RIMS2: variants seen among roughly 807,000 people sequenced by gnomAD.
RIMS2 encodes regulating synaptic membrane exocytosis protein 2.
A neutral mutation model predicts 174.4 loss-of-function variants in RIMS2; 59 were observed. The observed-to-expected ratio is 0.34, with a 90% confidence interval of 0.27 to 0.42. The LOEUF (loss-of-function observed/expected upper bound fraction) is 0.42, where lower values mean the gene tolerates loss of function less well. Among genes scored for constraint, RIMS2 ranks in the 10% least tolerant of loss-of-function variants. The pLI, the probability that RIMS2 is intolerant of heterozygous loss-of-function variation, is 1.00. For missense variants in RIMS2, 1,620 were observed against 1,666.3 expected (o/e 0.97, Z 0.48); for synonymous variants, 606 against 572.5 (o/e 1.06, Z -0.84).
chr8:103,939,000 T>C (rs538216910), intron 13 of RIMS2, among the ~76,000 whole-genome samples: 13 of 152,278 alleles, frequency 8.5e-5, no homozygotes, highest in African/African-American at 3.1e-4. Context: ...CTGGCTGCTT[T>C]CATGGGCTGG....
At chr8:103,505,570 T>A (rs1024898912) in intron 1 of RIMS2, among the ~76,000 whole-genome samples, 1 of 152,214 alleles carries the variant, frequency 6.6e-6, no homozygotes, top group African/African-American at 2.4e-5. Flanking sequence ...GTGATAAATA[T>A]CTTCGTACAT....
At chr8:103,518,057 CA>C (rs2130193434) in intron 1 of RIMS2, among the ~76,000 whole-genome samples, 2 of 152,066 alleles carry the variant, frequency 1.3e-5, no homozygotes, top group South Asian at 4.2e-4. Flanking sequence ...GACATGCAGG[CA>C]GCCTGCCCAG....
At chr8:103,741,673 T>C (rs2097763066) in intron 2 of RIMS2, among the ~76,000 whole-genome samples, 1 of 152,116 alleles carries the variant, frequency 6.6e-6, no homozygotes, top group Non-Finnish European at 1.5e-5. Context: ...CTAAAAAGGA[T>C]TTGGAAAATG....
intron 3 of RIMS2, among the ~76,000 whole-genome samples, chr8:103,815,349 C>A (rs927372893): frequency 6.6e-6 from 1 of 152,042 alleles, no homozygotes; most frequent in East Asian, 1.9e-4. Flanking sequence ...CTTTTGATTA[C>A]TTTTAGATTG....
chr8:103,844,282 T>C (rs2098956457), intron 3 of RIMS2, among the ~76,000 whole-genome samples: 2 of 152,220 alleles, frequency 1.3e-5, no homozygotes, highest in Admixed American at 6.5e-5. Flanking sequence ...TTTTATAAGG[T>C]AATATCTATG....
At chr8:103,699,522 G>A (rs767206404) in intron 2 of RIMS2, among the ~76,000 whole-genome samples, 2 of 152,124 alleles carry the variant, frequency 1.3e-5, no homozygotes, top group African/African-American at 2.4e-5. Flanking sequence ...GAGCCACCAC[G>A]TCTGGCCCAG....
intron 1 of RIMS2, among the ~76,000 whole-genome samples, chr8:103,663,934 T>A (rs2096635323): frequency 6.6e-6 from 1 of 152,192 alleles, no homozygotes; most frequent in South Asian, 2.1e-4. Flanking sequence ...ACCAAAACAG[T>A]TATGTAGACC....
chr8:103,878,834 G>A (rs879888241), intron 3 of RIMS2, among the ~76,000 whole-genome samples: 16 of 151,348 alleles, frequency 1.1e-4, no homozygotes, highest in Non-Finnish European at 2.1e-4. Context: ...TTTTAAATAC[G>A]AGTTGAAAAT....
At position 103,642,778 on chromosome 8, in the gene RIMS2, G is replaced by A. The variant is rs539929190; in HGVS notation, c.177-54308G>A. On this transcript the variant is annotated intron_variant, in intron 1 of 23. Coordinates refer to ENST00000504942, the Ensembl canonical transcript of RIMS2. ...TTCTTTTTTTTATGAACAGAAGTCT[G>A]ATGTAATTCTTATACTGTTTCTCTG... Among the ~76,000 whole-genome samples, 30 of 151,942 alleles carry A rather than the reference G, an allele frequency of 2.0e-4. No individual in the cohort carries two copies. The South Asian group carries it at 5.8e-3, about 29-fold the overall frequency.
chr8:104,141,909 A>G (rs1336294712), intron 19 of RIMS2, among the ~76,000 whole-genome samples: 1 of 151,768 alleles, frequency 6.6e-6, no homozygotes, highest in African/African-American at 2.4e-5. Context: ...ATTCCATCTT[A>G]TTTTCTTCAG....
At chr8:103,646,615 A>C (rs2096339089) in intron 1 of RIMS2, among the ~76,000 whole-genome samples, 3 of 152,068 alleles carry the variant, frequency 2.0e-5, no homozygotes, top group African/African-American at 7.2e-5. Context: ...TGTTCTCATC[A>C]TTCAGCTCCA....
chr8:103,622,285 A>G (rs1458999639), intron 1 of RIMS2, among the ~76,000 whole-genome samples: 1 of 152,098 alleles, frequency 6.6e-6, no homozygotes, highest in Non-Finnish European at 1.5e-5. Context: ...ATATTCTGAA[A>G]TTTTTCAGCA....
chr8:103,839,397 A>G (rs928197565), intron 3 of RIMS2, among the ~76,000 whole-genome samples: 2 of 152,124 alleles, frequency 1.3e-5, no homozygotes, highest in African/African-American at 4.8e-5. Context: ...AAGGAGGATC[A>G]CCTTGATCTT....
intron 1 of RIMS2, among the ~76,000 whole-genome samples, chr8:103,627,313 T>G (rs941022298): frequency 6.6e-6 from 1 of 152,238 alleles, no homozygotes; most frequent in Non-Finnish European, 1.5e-5. Flanking sequence ...TCTTCCCTTG[T>G]TCCCTGAAAA....
intron 15 of RIMS2, among the ~76,000 whole-genome samples, chr8:103,970,642 G>T (rs1261507604): frequency 1.3e-5 from 2 of 152,052 alleles, no homozygotes; most frequent in East Asian, 3.9e-4. Flanking sequence ...TCCTACTCTG[G>T]CACTGGTTCC....
chr8:104,200,695 C>T (rs1405289952), intron 19 of RIMS2, among the ~76,000 whole-genome samples: 1 of 152,170 alleles, frequency 6.6e-6, no homozygotes, highest in Non-Finnish European at 1.5e-5. Flanking sequence ...TCACTTAAGC[C>T]AGGACTTGGA....
At chr8:103,956,429 G>A (rs2087241820) in intron 14 of RIMS2, among the ~76,000 whole-genome samples, 1 of 152,026 alleles carries the variant, frequency 6.6e-6, no homozygotes, top group South Asian at 2.1e-4. Flanking sequence ...CAGAACAGAA[G>A]CCTCAGAAAT....
intron 1 of RIMS2, among the ~76,000 whole-genome samples, chr8:103,552,973 TA>T (rs2131654329): frequency 6.6e-6 from 1 of 152,238 alleles, no homozygotes; most frequent in South Asian, 2.1e-4. Context: ...TGTGGAGAAA[TA>T]GGAACACTTT....
At chr8:103,642,891 A>AT (rs2096257945) in intron 1 of RIMS2, among the ~76,000 whole-genome samples, 1 of 151,794 alleles carries the variant, frequency 6.6e-6, no homozygotes, top group South Asian at 2.1e-4. Flanking sequence ...TATTTGAAAC[A>AT]TTTTTTGATA....
Sources: allele counts gnomAD v4.1 joint callset (sites outside exome capture counted in the v4.1 genomes callset), GRCh38; gene constraint gnomAD v4.1.1; transcripts MANE v1.5; gene names NCBI Gene and HGNC (gene_info 2026-07-23, HGNC 2026-07-21).